Variants in STX8 observed in about 807,000 individuals in gnomAD.
The protein encoded by STX8 is syntaxin 8.
STX8 carries 23 observed loss-of-function variants against 37.5 expected under a neutral mutation model. That is an observed-to-expected ratio of 0.61 (90% CI 0.44 to 0.87). STX8 has a LOEUF of 0.87. STX8 is among the 40% of genes least tolerant of loss of function. The pLI, the probability that STX8 is intolerant of heterozygous loss-of-function variation, is 0.00. For synonymous variants in STX8, 115 were observed against 99.1 expected, an observed-to-expected ratio of 1.16 and a Z score of -0.95; for missense variants, 313 against 284.7, an observed-to-expected ratio of 1.10 and a Z score of -0.71.
intron 6 of STX8, among the ~76,000 whole-genome samples, chr17:9,419,900 T>C (rs971647258): frequency 6.6e-6 from 1 of 152,204 alleles, no homozygotes; most frequent in Non-Finnish European, 1.5e-5. Context: ...AAACCTTTTC[T>C]TTTGGCATAG....
intron 6 of STX8, among the ~76,000 whole-genome samples, chr17:9,395,327 C>A (rs192761811): frequency 2.0e-4 from 30 of 152,170 alleles, no homozygotes; most frequent in African/African-American, 6.7e-4. Flanking sequence ...GGCAGCTGGA[C>A]GCAGTGGCTC....
In STX8 at chr17:9,412,371, C is replaced by T. The variant is rs146649689; in HGVS notation, c.542-33718G>A. ...CTCAGCTCACTGCAACCTCTGTCTC[C>T]CAGGTTCAGGTGATTCTCCTGCCTC... is the stretch of plus-strand genomic sequence containing the variant. On this transcript the variant is annotated intron_variant, in intron 6 of 7. Coordinates refer to ENST00000306357, the MANE Select transcript of STX8 (RefSeq NM_004853.3). Among the ~76,000 whole-genome samples, 419 of 151,998 alleles carry T rather than the reference C, an allele frequency of 2.8e-3. 2 individuals are homozygous for T. The highest frequency in any genetic ancestry group is 5.1e-3 in the Non-Finnish European group (349 of 67,998).
chr17:9,547,105 A>G (rs145812204), intron 3 of STX8, among the ~76,000 whole-genome samples: 5,685 of 151,636 alleles, frequency 0.037, 372 homozygotes, highest in African/African-American at 0.13. Flanking sequence ...AAAACTAGCC[A>G]GGCGTGGTGG....
intron 6 of STX8, among the ~76,000 whole-genome samples, chr17:9,444,784 C>T (rs149426923): frequency 4.6e-5 from 7 of 152,248 alleles, no homozygotes; most frequent in East Asian, 3.9e-4. Flanking sequence ...AATATTTGCA[C>T]GGATTGTTCA....
intron 7 of STX8, among the ~76,000 whole-genome samples, chr17:9,295,423 A>G (rs184368662): frequency 3.3e-5 from 5 of 152,342 alleles, no homozygotes; most frequent in Admixed American, 3.3e-4. Context: ...AATTAAAGAA[A>G]TGAACAAATC....
At chr17:9,355,314 T>C (rs1910839054) in intron 7 of STX8, among the ~76,000 whole-genome samples, 2 of 151,570 alleles carry the variant, frequency 1.3e-5, no homozygotes, top group African/African-American at 4.8e-5. Context: ...CTGTGTCTTT[T>C]GGTTCTACTT....
intron 7 of STX8, among the ~76,000 whole-genome samples, chr17:9,342,431 C>CA (rs1166002168): frequency 1.3e-5 from 2 of 152,044 alleles, no homozygotes; most frequent in African/African-American, 4.8e-5. Context: ...AGAATGGTGA[C>CA]AGAGAAAATG....
intron 7 of STX8, among the ~76,000 whole-genome samples, chr17:9,343,202 G>A (rs1249090577): frequency 2.0e-5 from 3 of 152,058 alleles, no homozygotes; most frequent in African/African-American, 7.2e-5. Flanking sequence ...TCTTCGATAC[G>A]TAGCCTTAGA....
intron 4 of STX8, among the ~76,000 whole-genome samples, chr17:9,543,434 C>T (rs1296734131): frequency 2.6e-5 from 4 of 152,052 alleles, no homozygotes; most frequent in African/African-American, 9.7e-5. Flanking sequence ...GCTGGGACTA[C>T]AGGTGCCCGC....
intron 4 of STX8, among the ~76,000 whole-genome samples, 165 bp from the exon 5 acceptor site, chr17:9,505,327 C>T (rs2305923): frequency 6.6e-6 from 1 of 152,000 alleles, no homozygotes. Context: ...CAGTGCTGGA[C>T]GAGATACAAG....
At chr17:9,365,960 G>A (rs1316986640) in intron 7 of STX8, among the ~76,000 whole-genome samples, 14 of 152,222 alleles carry the variant, frequency 9.2e-5, no homozygotes, top group Middle Eastern at 3.4e-3. Flanking sequence ...GCAACAGAGC[G>A]AGACTCTGTC....
At chr17:9,575,729 T>C in intron 1 of STX8, 63 bp downstream of exon 1, 1 of 1,539,400 alleles carries the variant, frequency 6.5e-7, no homozygotes, top group Non-Finnish European at 8.8e-7. Flanking sequence ...GATTGCCTGC[T>C]CTCCGGAAGC....
intron 7 of STX8, among the ~76,000 whole-genome samples, chr17:9,365,391 T>G (rs995229861): frequency 2.0e-5 from 3 of 152,218 alleles, no homozygotes; most frequent in Non-Finnish European, 2.9e-5. Context: ...TTGAAGGCAT[T>G]TGAAGAGATG....
chr17:9,509,250 AAAAC>A lies in STX8; in HGVS notation c.324-4092_324-4089del, dbSNP rs376563216. Among the ~76,000 whole-genome samples the A allele has an allele frequency of 7.2e-5, 11 of 152,296 alleles. No individual in the cohort carries two copies. In the East Asian group the frequency reaches 1.9e-3, roughly 27 times the overall value. Reference sequence around the variant, plus strand: ...GGCAACAGAGCAAGACTCCATCTCAAAAACAAACAAACAACAATGACAAAAAGAA... The same window carrying A: ...GGCAACAGAGCAAGACTCCATCTCAAAAACAAACAACAATGACAAAAAGAA... On this transcript the variant is annotated intron_variant, in intron 4 of 7. Coordinates refer to ENST00000306357, the MANE Select transcript of STX8 (RefSeq NM_004853.3).
At chr17:9,358,301 G>A (rs1910948490) in intron 7 of STX8, among the ~76,000 whole-genome samples, 2 of 152,236 alleles carry the variant, frequency 1.3e-5, no homozygotes, top group African/African-American at 2.4e-5. Flanking sequence ...TAGCACAGAG[G>A]TATGACCATG....
At chr17:9,500,361 A>G (rs1175837384) in intron 5 of STX8, among the ~76,000 whole-genome samples, 3 of 152,208 alleles carry the variant, frequency 2.0e-5, no homozygotes, top group Non-Finnish European at 2.9e-5. Context: ...GAGACGGGAA[A>G]CAAATGAGGT....
intron 7 of STX8, among the ~76,000 whole-genome samples, chr17:9,284,600 T>C (rs1908010310): frequency 6.6e-6 from 1 of 152,204 alleles, no homozygotes; most frequent in Non-Finnish European, 1.5e-5. Flanking sequence ...AAAAATTTTT[T>C]TTCTTTAAAA....
chr17:9,350,512 T>G (rs1910671361), intron 7 of STX8, among the ~76,000 whole-genome samples: 1 of 151,400 alleles, frequency 6.6e-6, no homozygotes, highest in African/African-American at 2.5e-5. Flanking sequence ...TTGCTCACAC[T>G]AAAGTGTTTT....
Position 9,557,504 on chromosome 17 carries a change from A to C in STX8, c.142T>G (p.Leu48Val), listed in dbSNP as rs571646885. The change falls in exon 3 of 8, where the codon TTG becomes GTG. Residue 48 changes from leucine (L) to valine (V), a missense_variant. Leu to Val is a conservative substitution (Grantham distance 32, BLOSUM62 1). Coordinates refer to ENST00000306357, the MANE Select transcript of STX8 (RefSeq NM_004853.3). ...GCGATCTTTTCCTTCAGGTTCTGCA[A>C]CAAAGCTCTGATTGTCACGGTAAGC... ...PKLTVTIRAL[L>V]QNLKEKIALL... 6 of 1,614,138 alleles carry C rather than the reference A, an allele frequency of 3.7e-6. No individual in the cohort carries two copies. The highest frequency in any genetic ancestry group is 4.2e-6 in the Non-Finnish European group (5 of 1,179,984).
Sources: allele counts gnomAD v4.1 joint callset (sites outside exome capture counted in the v4.1 genomes callset), GRCh38; gene constraint gnomAD v4.1.1; transcripts MANE v1.5; gene names NCBI Gene and HGNC (gene_info 2026-07-23, HGNC 2026-07-21).